The following CLCC1 variants were observed in gnomAD, a reference collection of about 807,000 sequenced individuals.
CLCC1 encodes chloride channel CLIC like 1.
CLCC1 carries 39 observed loss-of-function variants against 63.3 expected under a neutral mutation model. That is an observed-to-expected ratio of 0.62 (90% CI 0.48 to 0.81). CLCC1 has a LOEUF of 0.81. Among genes scored for constraint, CLCC1 ranks in the 30% least tolerant of loss-of-function variants. The pLI is 0.00. For missense variants in CLCC1, 549 were observed against 669.4 expected (o/e 0.82, Z 1.98); for synonymous variants, 217 against 239.8 (o/e 0.90, Z 0.88).
At chr1:108,963,320 GC>G in intron 1 of CLCC1, 40 bp downstream of exon 1, 1 of 665,286 alleles carries the variant, frequency 1.5e-6, no homozygotes, top group Non-Finnish European at 2.8e-6. Context: ...CGGGTAACCC[GC>G]CCCACCCGCC....
At chr1:108,959,699 G>A (rs1656379584) in intron 2 of CLCC1, among the ~76,000 whole-genome samples, 1 of 152,208 alleles carries the variant, frequency 6.6e-6, no homozygotes, top group Admixed American at 6.5e-5. Flanking sequence ...ATCTTAGAAT[G>A]TATACTCCAA....
chr1:108,951,875 T>A (rs1164044453), intron 2 of CLCC1, among the ~76,000 whole-genome samples: 1 of 151,226 alleles, frequency 6.6e-6, no homozygotes, highest in African/African-American at 2.4e-5. Flanking sequence ...ACTCAAGTGA[T>A]CGGCCCACCT....
chr1:108,934,739 G>A lies in CLCC1; in HGVS notation c.1587C>T (p.Ser529=). ...SEAAGSPDQG[S]TYSPARGVAG... The stretch of plus-strand genomic sequence containing the variant: ...CCACACCTCTTGCGGGGCTGTATGT[G>A]CTGCCTTGGTCTGGGCTGCCTGCGG... The change falls in exon 12 of 13, where the codon AGC becomes AGT. Residue 529 remains serine, a synonymous_variant. Transcript: ENST00000369969. 2.5e-6 allele frequency: 4 copies of A among 1,614,200 alleles called. No homozygotes were observed. The highest frequency in any genetic ancestry group is 3.4e-6 in the Non-Finnish European group (4 of 1,180,048).
chr1:108,934,580 A>C, intron 12 of CLCC1, 45 bp downstream of exon 12: 2 of 1,457,904 alleles, frequency 1.4e-6, no homozygotes, highest in East Asian at 4.6e-5. Context: ...TGTAGTAATC[A>C]GAATTCTTGC....
At chr1:108,954,807 A>T (rs1245198785) in intron 2 of CLCC1, among the ~76,000 whole-genome samples, 1 of 136,382 alleles carries the variant, frequency 7.3e-6, no homozygotes, top group Admixed American at 7.4e-5. Flanking sequence ...TATACTGGGC[A>T]CTGTCTTTGC....
chr1:108,960,153 A>G (rs1158653910), intron 2 of CLCC1, among the ~76,000 whole-genome samples: 1 of 152,148 alleles, frequency 6.6e-6, no homozygotes, highest in African/African-American at 2.4e-5. Context: ...ACAAACAAAC[A>G]AACAAAAAAC....
Position 108,949,821 on chromosome 1 carries a change from T to A in CLCC1, c.230A>T (p.Lys77Met). 1 of 1,532,294 alleles carries A rather than the reference T, an allele frequency of 6.5e-7. No homozygotes were observed. The highest frequency in any genetic ancestry group is 1.3e-5 in the South Asian group (1 of 79,100). The allele number at this position is 1,532,294 out of a possible 1,614,324, so 94.9% of individuals were successfully genotyped here. The change falls in exon 4 of 13, where the codon AAG (lysine) becomes ATG (methionine). Residue 77 changes from lysine (K) to methionine (M), a missense_variant and splice_region_variant. By Grantham distance (95) the Lys-to-Met change is moderately conservative. Coordinates refer to ENST00000369969, the MANE Select transcript of CLCC1 (RefSeq NM_001377458.1). ...AAATTTATCAATAAAAAAACTAACC[T>A]TATAAGTTAAAGAATCAAGTTTGTG... ...CYHKLDSLTY[K>M]IDECEKKKRE...
rs114248583 is a variant in CLCC1 at position 108,935,907 on chromosome 1, G to A, written c.1384-965C>T. On this transcript the variant is annotated intron_variant, in intron 11 of 12. Coordinates refer to ENST00000369969, the MANE Select transcript of CLCC1 (RefSeq NM_001377458.1). Reference sequence around the variant, plus strand: ...CTTATGGCTAAAGTAGAGTAAGCACGGAGGGAGAAGAGGTGACCAGAGAGG... The same window carrying A: ...CTTATGGCTAAAGTAGAGTAAGCACAGAGGGAGAAGAGGTGACCAGAGAGG... 1.4e-3 allele frequency among the ~76,000 whole-genome samples: 219 copies of A among 152,236 alleles called. 1 individual carries two copies. Among genetic ancestry groups the A allele is most frequent in the African/African-American group, 5.0e-3 (206 of 41,544 alleles).
chr1:108,947,581 C>T (rs758096108), intron 5 of CLCC1, 30 bp downstream of exon 5: 53 of 1,248,820 alleles, frequency 4.2e-5, no homozygotes, highest in Middle Eastern at 2.1e-4. Flanking sequence ...ATACACTATA[C>T]GGATTAGTAT....
chr1:108,958,054 T>C (rs998577038), intron 2 of CLCC1, among the ~76,000 whole-genome samples: 2 of 151,284 alleles, frequency 1.3e-5, no homozygotes, highest in Non-Finnish European at 1.5e-5. Flanking sequence ...CAGACAAATA[T>C]GTTGAATGCC....
intron 4 of CLCC1, among the ~76,000 whole-genome samples, chr1:108,948,155 G>A (rs1571051912): frequency 6.6e-6 from 1 of 152,178 alleles, no homozygotes; most frequent in Admixed American, 6.5e-5. Context: ...ACAAGATGAA[G>A]CCAGACGATG....
intron 3 of CLCC1, 68 bp downstream of exon 3, chr1:108,950,241 C>A: frequency 6.8e-7 from 1 of 1,479,920 alleles, no homozygotes; most frequent in Non-Finnish European, 9.2e-7. Context: ...TGCAAAACAA[C>A]AGAGCTAGAC....
At position 108,930,349 on chromosome 1, in the gene CLCC1, A is replaced by AAATAATG. The variant is rs1651720208; in HGVS notation, c.*2191_*2197dup. 6.1e-6 allele frequency: 1 copy of AAATAATG among 163,256 alleles called. No individual in the cohort carries two copies. Among genetic ancestry groups the AAATAATG allele is most frequent in the African/African-American group, 2.4e-5 (1 of 41,778 alleles). The allele number at this position is 163,256 out of a possible 1,614,324, so 10.1% of individuals were successfully genotyped here. A position where few individuals can be genotyped will look rare whatever the true frequency, so the allele number is the denominator to read the frequency against. On this transcript the variant is annotated 3_prime_UTR_variant, in exon 13 of 13. Transcript: ENST00000369969. ...AGTGGGAAACAATGTTGTTTGGTAA[A>AAATAATG]AATAATGTACTTGATCAATGTAAAA... is the stretch of plus-strand genomic sequence containing the variant.
intron 4 of CLCC1, among the ~76,000 whole-genome samples, chr1:108,948,238 CAATT>C (rs112786285): frequency 0.02 from 3,033 of 152,220 alleles, 96 homozygotes; most frequent in African/African-American, 0.068. Context: ...TTTTAATCAG[CAATT>C]AATCATCCCA....
At chr1:108,958,494 C>A (rs1437685315) in intron 2 of CLCC1, among the ~76,000 whole-genome samples, 1 of 151,404 alleles carries the variant, frequency 6.6e-6, no homozygotes, top group Non-Finnish European at 1.5e-5. Flanking sequence ...TTAATAATGG[C>A]CCTAAAGCAC....
At chr1:108,941,560 C>G (rs1653845007) in intron 7 of CLCC1, 62 bp from the exon 8 acceptor site, 4 of 1,156,550 alleles carry the variant, frequency 3.5e-6, no homozygotes, top group Non-Finnish European at 5.1e-6. Flanking sequence ...GCCTACACAT[C>G]CAAAAGACCT....
chr1:108,954,931 C>CA (rs925178299), intron 2 of CLCC1, among the ~76,000 whole-genome samples: 1 of 150,602 alleles, frequency 6.6e-6, no homozygotes, highest in Non-Finnish European at 1.5e-5. Flanking sequence ...CTCCTGGGTT[C>CA]AAAAATTCTC....
In CLCC1 at chr1:108,931,486, C is replaced by G. The variant is rs1438609348; in HGVS notation, c.*1061G>C. 1.9e-6 allele frequency: 3 copies of G among 1,550,256 alleles called. No individual in the cohort carries two copies. Among genetic ancestry groups the G allele is most frequent in the South Asian group, 1.2e-5 (1 of 83,976 alleles). On this transcript the variant is annotated 3_prime_UTR_variant, in exon 13 of 13. Transcript: ENST00000369969. ...TCTGCTTGCTTCAGACTGTGCACAG[C>G]TGGGATGGGATCTGGGGATGTGGAC...
chr1:108,940,142 T>A lies in CLCC1; in HGVS notation c.797A>T (p.Glu266Val), dbSNP rs1315697756. 2 of 1,575,190 alleles carry A rather than the reference T, an allele frequency of 1.3e-6. No individual in the cohort carries two copies. The highest frequency in any genetic ancestry group is 1.7e-6 in the Non-Finnish European group (2 of 1,146,890). ...ATAGGTCCATGAACTTCTAAACCAT[T>A]CTGTTTAGAGAAACAGACAAAACAC... ...KKMDWTGSIW[E>V]WFRSSWTYKD... The change falls in exon 9 of 13, where the codon GAA becomes GTA. Residue 266 changes from glutamate (E) to valine (V), a missense_variant and splice_region_variant. Coordinates refer to ENST00000369969, the MANE Select transcript of CLCC1 (RefSeq NM_001377458.1).
Sources: allele counts gnomAD v4.1 joint callset (sites outside exome capture counted in the v4.1 genomes callset), GRCh38; gene constraint gnomAD v4.1.1; transcripts MANE v1.5; gene names NCBI Gene and HGNC (gene_info 2026-07-23, HGNC 2026-07-21).